GALNT14: variants seen among roughly 807,000 people sequenced by gnomAD.
The protein encoded by GALNT14 is polypeptide N-acetylgalactosaminyltransferase 14.
In GALNT14, 60 loss-of-function variants were observed where a neutral mutation model predicts 77.5. The observed-to-expected ratio is 0.77, with a 90% confidence interval of 0.63 to 0.96. GALNT14 has a LOEUF of 0.96. Ranked by LOEUF, GALNT14 falls within the 40% of genes least tolerant of loss-of-function variation. GALNT14 has a pLI of 0.00. For missense variants in GALNT14, 710 were observed against 731.0 expected, an observed-to-expected ratio of 0.97 and a Z score of 0.33; for synonymous variants, 280 against 281.7, an observed-to-expected ratio of 0.99 and a Z score of 0.06.
At chr2:30,928,823 G>A (rs886728262) in intron 11 of GALNT14, among the ~76,000 whole-genome samples, 4 of 152,048 alleles carry the variant, frequency 2.6e-5, no homozygotes, top group African/African-American at 9.7e-5. Context: ...CACCATATTG[G>A]CCAGGCGGGT....
intron 1 of GALNT14, among the ~76,000 whole-genome samples, chr2:30,995,695 T>C (rs918392404): frequency 1.3e-5 from 2 of 152,154 alleles, no homozygotes; most frequent in Non-Finnish European, 2.9e-5. Flanking sequence ...AGACGGGATC[T>C]CACTATGTTG....
intron 1 of GALNT14, among the ~76,000 whole-genome samples, chr2:31,026,020 A>AC (rs1672032188): frequency 6.6e-6 from 1 of 152,054 alleles, no homozygotes; most frequent in Non-Finnish European, 1.5e-5. Flanking sequence ...AAACATATCT[A>AC]AAAAAAATCT....
chr2:30,937,047 C>T (rs979191043), intron 9 of GALNT14, among the ~76,000 whole-genome samples: 1 of 152,332 alleles, frequency 6.6e-6, no homozygotes, highest in African/African-American at 2.4e-5. Context: ...GCTGCATTAG[C>T]TTTACTCTCC....
rs1666659414 is a variant in GALNT14, at chr2:30,945,824, T to G, written c.701A>C (p.Asp234Ala). Residue 234 changes from aspartate to alanine, a missense_variant, in exon 7 of 15, where the codon GAC becomes GCC. Coordinates refer to ENST00000349752, the MANE Select transcript of GALNT14 (RefSeq NM_024572.4). ...VCPVIDIINL[D>A]TFTYIESASE... ...GGCAGACTCGATGTAGGTGAAGGTG[T>G]CCAGGTTAATGATATCGATCACAGG... The G allele has an allele frequency of 6.2e-7, 1 of 1,613,930 alleles. No homozygotes were observed. Among genetic ancestry groups the G allele is most frequent in the South Asian group, 1.1e-5 (1 of 91,072 alleles).
chr2:31,038,093 T>A (rs1375755207), intron 1 of GALNT14, among the ~76,000 whole-genome samples: 6,671 of 75,880 alleles, frequency 0.088, 299 homozygotes, highest in East Asian at 0.21. Flanking sequence ...TATTTTTTTT[T>A]TTTTTTTTTT....
In GALNT14 at chr2:31,101,557, G is replaced by GA. The variant is rs558603858; in HGVS notation, c.129+36400dup. ...CCATTTGGGTAATTTTTATTTTCTT[G>GA]AAAAAAATCCACTTTTCAAACCTAT... is the stretch of plus-strand genomic sequence containing the variant. On this transcript the variant is annotated intron_variant, in intron 1 of 14. Transcript: ENST00000349752. Among the ~76,000 whole-genome samples, 182 of 151,436 alleles carry GA rather than the reference G, an allele frequency of 1.2e-3. 1 individual carries two copies. Among genetic ancestry groups the GA allele is most frequent in the African/African-American group, 4.1e-3 (170 of 41,226 alleles).
intron 1 of GALNT14, among the ~76,000 whole-genome samples, chr2:31,113,971 A>C (rs1163449879): frequency 6.6e-6 from 1 of 152,124 alleles, no homozygotes; most frequent in African/African-American, 2.4e-5. Context: ...GCTGCAGAAC[A>C]ATGTATGGGA....
chr2:31,113,962 CTG>C (rs574316662), intron 1 of GALNT14, among the ~76,000 whole-genome samples: 4 of 152,210 alleles, frequency 2.6e-5, no homozygotes, highest in Admixed American at 2.6e-4. Flanking sequence ...ATGCCTGCAG[CTG>C]CAGAACAATG....
the GALNT14 span, among the ~76,000 whole-genome samples, chr2:30,887,487 T>A: frequency 6.6e-6 from 1 of 152,244 alleles, no homozygotes; most frequent in Non-Finnish European, 1.5e-5. Flanking sequence ...GTTGAGCATC[T>A]TTCCATGTGC....
intron 1 of GALNT14, among the ~76,000 whole-genome samples, chr2:31,110,993 C>A (rs1354075211): frequency 6.6e-6 from 1 of 152,174 alleles, no homozygotes; most frequent in African/African-American, 2.4e-5. Flanking sequence ...TCAGGTACCC[C>A]ACTTGTAAGA....
intron 3 of GALNT14, among the ~76,000 whole-genome samples, chr2:30,960,866 C>G (rs796432678): frequency 1.3e-5 from 2 of 152,366 alleles, no homozygotes; most frequent in South Asian, 2.1e-4. Flanking sequence ...GCCTCACCCC[C>G]ACTCCAGCTG....
intron 12 of GALNT14, 136 bp from the exon 13 acceptor site, chr2:30,924,399 G>A (rs1195869981): frequency 1.9e-5 from 17 of 904,256 alleles, no homozygotes; most frequent in Middle Eastern, 6.3e-4. Context: ...CTCGGGGAAG[G>A]GCAGGGTGCC....
chr2:31,102,689 T>C (rs766649272), intron 1 of GALNT14, among the ~76,000 whole-genome samples: 1 of 152,144 alleles, frequency 6.6e-6, no homozygotes, highest in Non-Finnish European at 1.5e-5. Flanking sequence ...AATTAGAGCT[T>C]CCATATTGAT....
chr2:30,965,308 C>T (rs1197596699), intron 3 of GALNT14, among the ~76,000 whole-genome samples: 1 of 152,184 alleles, frequency 6.6e-6, no homozygotes, highest in Non-Finnish European at 1.5e-5. Flanking sequence ...TGGCAGTGGC[C>T]TCCTCACCTC....
chr2:31,011,833 T>C (rs1671050042), intron 1 of GALNT14, among the ~76,000 whole-genome samples: 1 of 152,166 alleles, frequency 6.6e-6, no homozygotes, highest in Non-Finnish European at 1.5e-5. Context: ...CTGCTCTGTT[T>C]GTACTTCAAA....
chr2:31,018,793 A>T (rs1278644730), intron 1 of GALNT14, among the ~76,000 whole-genome samples: 1 of 152,156 alleles, frequency 6.6e-6, no homozygotes, highest in African/African-American at 2.4e-5. Flanking sequence ...AAGCAAAACT[A>T]ATTTTACTCA....
At chr2:30,978,516 G>GGTAT (rs1668775709) in intron 2 of GALNT14, among the ~76,000 whole-genome samples, 1 of 152,284 alleles carries the variant, frequency 6.6e-6, no homozygotes, top group Admixed American at 6.5e-5. Flanking sequence ...TCAGGGGGAT[G>GGTAT]GTATGATCAA....
chr2:30,912,936 A>G lies in GALNT14; in HGVS notation c.1381-594T>C, dbSNP rs184443154. 3.3e-5 allele frequency among the ~76,000 whole-genome samples: 5 copies of G among 152,256 alleles called. No homozygotes were observed. The East Asian group carries it at 7.7e-4, about 24-fold the overall frequency. The stretch of plus-strand genomic sequence containing the variant: ...GAAAGAAGAATGTTATGAGGATTCA[A>G]ATTATTTCAGGAGGGTGCATGTGCC... On this transcript the variant is annotated intron_variant, in intron 13 of 14. Transcript: ENST00000349752.
At chr2:30,970,943 GC>G (rs1668314131) in intron 2 of GALNT14, among the ~76,000 whole-genome samples, 1 of 152,190 alleles carries the variant, frequency 6.6e-6, no homozygotes, top group Non-Finnish European at 1.5e-5. Context: ...TGGCACACCT[GC>G]TGAGTAACTG....
Sources: gnomAD v4.1 joint callset for allele counts (sites outside exome capture counted in the v4.1 genomes callset) on GRCh38, gnomAD v4.1.1 for gene constraint, MANE v1.5 for transcripts, NCBI Gene and HGNC (gene_info 2026-07-23, HGNC 2026-07-21) for gene names.